GRM5: variants seen among roughly 807,000 people sequenced by gnomAD.
GRM5 encodes glutamate metabotropic receptor 5.
Under a neutral mutation model 83.1 loss-of-function variants are expected in GRM5, and 19 were observed. The ratio of observed to expected loss-of-function variants is 0.23; its 90% CI spans 0.16 to 0.34. The LOEUF (loss-of-function observed/expected upper bound fraction) is 0.34. Among genes scored for constraint, GRM5 ranks in the 10% least tolerant of loss-of-function variants. GRM5 has a pLI of 1.00. For synonymous variants in GRM5, 675 were observed against 633.6 expected (o/e 1.07, Z -0.98); for missense variants, 1,160 against 1,588.3 (o/e 0.73, Z 4.58).
chr11:88,518,054 CTGAGA>C (rs1471665042), intron 9 of GRM5, among the ~76,000 whole-genome samples: 1 of 151,810 alleles, frequency 6.6e-6, no homozygotes, highest in Non-Finnish European at 1.5e-5. Flanking sequence ...TGAGCAGAAA[CTGAGA>C]TGAGAGAGTC....
At chr11:89,064,888 C>CTCTCTGTGTGTG (rs1218318990) in intron 1 of GRM5, among the ~76,000 whole-genome samples, 4 of 62,266 alleles carry the variant, frequency 6.4e-5, no homozygotes, top group African/African-American at 1.4e-4. Context: ...CTCTCTCTCT[C>CTCTCTGTGTGTG]TGTGTGTGTG....
rs200214425 is a variant in GRM5 at position 88,774,243 on chromosome 11, GCTCT to G, written c.911+75659_911+75662del. Among the ~76,000 whole-genome samples, 1,051 of 151,898 alleles carry G rather than the reference GCTCT, an allele frequency of 6.9e-3. 12 individuals are homozygous for G. Among genetic ancestry groups the G allele is most frequent in the African/African-American group, 0.024 (993 of 41,474 alleles). On this transcript the variant is annotated intron_variant, in intron 3 of 9. Transcript: ENST00000305447. Reference sequence around the variant, plus strand: ...TGAATGGGAGTTCACACATGATTTGGCTCTCTGTTTGTCTTCATGGTGTAGGGGA... The same window carrying G: ...TGAATGGGAGTTCACACATGATTTGGCTGTTTGTCTTCATGGTGTAGGGGA...
chr11:88,577,106 A>AT (rs940155691), intron 7 of GRM5, among the ~76,000 whole-genome samples: 118 of 149,778 alleles, frequency 7.9e-4, no homozygotes, highest in African/African-American at 2.4e-3. Flanking sequence ...TATACCCTTG[A>AT]TTTTTTTTTT....
intron 2 of GRM5, among the ~76,000 whole-genome samples, chr11:88,969,125 G>A (rs1050442847): frequency 6.6e-6 from 1 of 151,812 alleles, no homozygotes; most frequent in Admixed American, 6.6e-5. Flanking sequence ...AAAACTAAGT[G>A]GATAATATAA....
intron 4 of GRM5, among the ~76,000 whole-genome samples, chr11:88,630,872 C>T (rs917256753): frequency 2.6e-5 from 4 of 152,124 alleles, no homozygotes; most frequent in African/African-American, 9.7e-5. Context: ...GCCACTGTGC[C>T]CAGCCATTTA....
intron 2 of GRM5, among the ~76,000 whole-genome samples, chr11:88,908,387 T>G (rs191136826): frequency 1.7e-4 from 26 of 152,200 alleles, no homozygotes; most frequent in Admixed American, 1.7e-3. Flanking sequence ...TGAATAAAAA[T>G]GATCATCTTG....
intron 3 of GRM5, among the ~76,000 whole-genome samples, chr11:88,805,076 G>A (rs1262796475): frequency 1.3e-5 from 2 of 152,270 alleles, no homozygotes; most frequent in African/African-American, 4.8e-5. Context: ...AGGGATTGTT[G>A]CAACCCTAGC....
intron 3 of GRM5, among the ~76,000 whole-genome samples, chr11:88,828,118 C>A (rs1271231240): frequency 6.6e-6 from 1 of 152,052 alleles, no homozygotes; most frequent in Non-Finnish European, 1.5e-5. Context: ...CTAGGAACAG[C>A]AAGAAGACCA....
At chr11:88,826,520 G>A (rs1943896872) in intron 3 of GRM5, among the ~76,000 whole-genome samples, 1 of 151,058 alleles carries the variant, frequency 6.6e-6, no homozygotes. Context: ...GCCTTCCAAG[G>A]GCCAATGGAC....
chr11:88,873,457 G>T (rs1944802135), intron 2 of GRM5, among the ~76,000 whole-genome samples: 1 of 151,418 alleles, frequency 6.6e-6, no homozygotes, highest in Non-Finnish European at 1.5e-5. Flanking sequence ...GACCATATGT[G>T]AAGTAAAAAA....
intron 2 of GRM5, among the ~76,000 whole-genome samples, chr11:88,956,267 A>C (rs903501947): frequency 6.6e-6 from 1 of 152,258 alleles, no homozygotes; most frequent in Non-Finnish European, 1.5e-5. Flanking sequence ...ACAAAATTCC[A>C]AAGTAGAGCA....
At chr11:89,061,090 T>C (rs1236553284) in intron 1 of GRM5, among the ~76,000 whole-genome samples, 1 of 152,184 alleles carries the variant, frequency 6.6e-6, no homozygotes, top group Non-Finnish European at 1.5e-5. Context: ...CATATATGTA[T>C]ATCAACATAT....
intron 3 of GRM5, among the ~76,000 whole-genome samples, chr11:88,732,532 T>G (rs975587182): frequency 1.3e-5 from 2 of 152,064 alleles, no homozygotes; most frequent in Non-Finnish European, 2.9e-5. Context: ...ATAATAAATT[T>G]GTAAATAAAA....
intron 2 of GRM5, among the ~76,000 whole-genome samples, chr11:89,012,086 A>G (rs2135092000): frequency 6.6e-6 from 1 of 152,298 alleles, no homozygotes; most frequent in East Asian, 1.9e-4. Flanking sequence ...AAAGAAAAAA[A>G]GGGTGGGAAA....
chr11:88,591,133 A>C (rs1031627521), intron 6 of GRM5, among the ~76,000 whole-genome samples: 1 of 152,194 alleles, frequency 6.6e-6, no homozygotes, highest in African/African-American at 2.4e-5. Flanking sequence ...CCTTCCCTCC[A>C]TTAGTTGAAT....
intron 3 of GRM5, among the ~76,000 whole-genome samples, chr11:88,844,230 A>G (rs1323549780): frequency 6.6e-6 from 1 of 152,154 alleles, no homozygotes; most frequent in African/African-American, 2.4e-5. Flanking sequence ...TGAGAAGACT[A>G]GGAAACTTAT....
chr11:89,038,375 A>T (rs1941445563), intron 2 of GRM5, among the ~76,000 whole-genome samples: 1 of 152,322 alleles, frequency 6.6e-6, no homozygotes, highest in South Asian at 2.1e-4. Context: ...AATTCCAAAG[A>T]ATTGCCTTTC....
chr11:88,599,885 C>T (rs577723663), intron 5 of GRM5, among the ~76,000 whole-genome samples: 4 of 152,150 alleles, frequency 2.6e-5, no homozygotes, highest in South Asian at 2.1e-4. Context: ...TGGTGGCAGG[C>T]GCCTGTAGTC....
At chr11:88,912,397 G>T (rs1464098527) in intron 2 of GRM5, among the ~76,000 whole-genome samples, 1 of 151,428 alleles carries the variant, frequency 6.6e-6, no homozygotes, top group Non-Finnish European at 1.5e-5. Context: ...GCTCTCATCT[G>T]GTCTTGGCTT....
Sources: allele counts gnomAD v4.1 joint callset (sites outside exome capture counted in the v4.1 genomes callset), GRCh38; gene constraint gnomAD v4.1.1; transcripts MANE v1.5; gene names NCBI Gene and HGNC (gene_info 2026-07-23, HGNC 2026-07-21).